Variants in SMOC2 observed in about 807,000 individuals in gnomAD.
SMOC2 encodes SPARC related modular calcium binding 2, also known as SPARC-related modular calcium-binding protein 2.
A neutral mutation model predicts 61.4 loss-of-function variants in SMOC2; 39 were observed. The observed-to-expected ratio is 0.64, with a 90% CI of 0.49 to 0.83. The LOEUF (loss-of-function observed/expected upper bound fraction) is 0.83. SMOC2 is among the 40% of genes least tolerant of loss of function. SMOC2 has a pLI of 0.00. For missense variants in SMOC2, 556 were observed against 592.9 expected (o/e 0.94, Z 0.65); for synonymous variants, 247 against 239.9 (o/e 1.03, Z -0.27).
chr6:168,582,527 C>G (rs1239580710), intron 7 of SMOC2, among the ~76,000 whole-genome samples: 1 of 152,110 alleles, frequency 6.6e-6, no homozygotes. Flanking sequence ...GAAATGCAGG[C>G]TGGGGTGGGG....
At chr6:168,547,056 CACTT>C in intron 5 of SMOC2, 59 bp from the exon 6 acceptor site, 3 of 1,605,526 alleles carry the variant, frequency 1.9e-6, no homozygotes, top group African/African-American at 1.3e-5. Flanking sequence ...CCCGTATGCA[CACTT>C]ACTTAACTTA....
chr6:168,464,208 AGG>A (rs1454688639), intron 1 of SMOC2, among the ~76,000 whole-genome samples: 5 of 145,744 alleles, frequency 3.4e-5, no homozygotes, highest in African/African-American at 1.3e-4. Flanking sequence ...AAAAAGAGGA[AGG>A]AAGAAAGGAA....
chr6:168,666,075 A>G lies in SMOC2; in HGVS notation c.1324-346A>G, dbSNP rs935642489. Among the ~76,000 whole-genome samples the G allele has an allele frequency of 6.0e-4, 92 of 152,232 alleles. 8 individuals are homozygous for G. Among genetic ancestry groups the G allele is most frequent in the Non-Finnish European group, 5.9e-5 (4 of 68,044 alleles). ...TTAAGAATCAACTATGCCTTTATCA[A>G]ATTTGAAGCATAAGTTATATTATTA... is the stretch of plus-strand genomic sequence containing the variant. On this transcript the variant is annotated intron_variant, in intron 12 of 12. Coordinates refer to ENST00000356284, the MANE Select transcript of SMOC2 (RefSeq NM_001166412.2).
At chr6:168,611,935 T>G (rs903942819) in intron 9 of SMOC2, among the ~76,000 whole-genome samples, 1 of 152,084 alleles carries the variant, frequency 6.6e-6, no homozygotes, top group Admixed American at 6.5e-5. Context: ...GCGTGTGGTG[T>G]GGGTGTGGAC....
At chr6:168,600,773 A>C (rs1355644839) in intron 8 of SMOC2, among the ~76,000 whole-genome samples, 1 of 152,236 alleles carries the variant, frequency 6.6e-6, no homozygotes, top group Non-Finnish European at 1.5e-5. Flanking sequence ...TATCGCTTTT[A>C]GAAAAAGTGA....
At chr6:168,574,760 C>T (rs774258984) in intron 7 of SMOC2, among the ~76,000 whole-genome samples, 11 of 152,104 alleles carry the variant, frequency 7.2e-5, no homozygotes, top group East Asian at 5.8e-4. Context: ...CCCTGAAGAC[C>T]GGCACATTCC....
chr6:168,534,613 A>G (rs749576335), intron 4 of SMOC2, among the ~76,000 whole-genome samples: 5 of 152,238 alleles, frequency 3.3e-5, no homozygotes, highest in Admixed American at 1.3e-4. Context: ...CTGATAGACA[A>G]TATTCTGGTG....
At chr6:168,469,261 T>C (rs1781915134) in intron 1 of SMOC2, among the ~76,000 whole-genome samples, 2 of 152,202 alleles carry the variant, frequency 1.3e-5, no homozygotes, top group Admixed American at 6.5e-5. Context: ...GAAGGAAACC[T>C]GTTGGGAAGG....
chr6:168,644,167 G>C (rs186634526), intron 9 of SMOC2, among the ~76,000 whole-genome samples: 7 of 152,318 alleles, frequency 4.6e-5, no homozygotes, highest in Admixed American at 3.9e-4. Flanking sequence ...TTCAAATTCA[G>C]CAAATGTTGG....
chr6:168,537,059 C>T (rs1479733622), intron 4 of SMOC2, among the ~76,000 whole-genome samples: 1 of 152,234 alleles, frequency 6.6e-6, no homozygotes, highest in Non-Finnish European at 1.5e-5. Flanking sequence ...CTCCCTCGGC[C>T]GGCCAGTGCC....
rs943985478 is a variant in SMOC2, at chr6:168,541,163, A to G, written c.464-2462A>G. ...TCCACCAGAAATTCGTATCCCCATT[A>G]TGACAAAACCCACCCCTTTAGAATA... On this transcript the variant is annotated intron_variant, in intron 4 of 12. Coordinates refer to ENST00000356284, the MANE Select transcript of SMOC2 (RefSeq NM_001166412.2). Among the ~76,000 whole-genome samples the G allele has an allele frequency of 2.0e-5, 3 of 152,176 alleles. 1 individual carries two copies. Among genetic ancestry groups the G allele is most frequent in the African/African-American group, 7.2e-5 (3 of 41,450 alleles).
chr6:168,519,499 C>G (rs1783275118), intron 2 of SMOC2, among the ~76,000 whole-genome samples: 1 of 152,190 alleles, frequency 6.6e-6, no homozygotes, highest in Non-Finnish European at 1.5e-5. Context: ...GAGCGCCCTT[C>G]CTCACAGGCT....
chr6:168,545,906 T>C (rs905467912), intron 5 of SMOC2, among the ~76,000 whole-genome samples: 1 of 152,258 alleles, frequency 6.6e-6, no homozygotes, highest in African/African-American at 2.4e-5. Context: ...TTTTGTTTTA[T>C]TTTCTTGGAA....
chr6:168,627,630 G>C (rs1786448998), intron 9 of SMOC2, among the ~76,000 whole-genome samples: 1 of 152,124 alleles, frequency 6.6e-6, no homozygotes, highest in Non-Finnish European at 1.5e-5. Flanking sequence ...TTTGTCACTG[G>C]TAGATTCAAA....
At chr6:168,506,695 A>G (rs969080985) in intron 1 of SMOC2, among the ~76,000 whole-genome samples, 11 of 152,194 alleles carry the variant, frequency 7.2e-5, no homozygotes, top group African/African-American at 2.7e-4. Context: ...CACCTGTGCA[A>G]ATAGCACTGC....
At chr6:168,444,330 G>C (rs144503397) in intron 1 of SMOC2, among the ~76,000 whole-genome samples, 1 of 152,026 alleles carries the variant, frequency 6.6e-6, no homozygotes, top group African/African-American at 2.4e-5. Flanking sequence ...TCAGGACCAC[G>C]CATTTGTCTT....
chr6:168,514,295 G>A (rs959732202), intron 2 of SMOC2, among the ~76,000 whole-genome samples: 4 of 152,038 alleles, frequency 2.6e-5, no homozygotes, highest in African/African-American at 9.7e-5. Flanking sequence ...CACTGAATGA[G>A]TGTCTCCTTC....
At chr6:168,496,685 C>T (rs944703048) in intron 1 of SMOC2, among the ~76,000 whole-genome samples, 13 of 152,274 alleles carry the variant, frequency 8.5e-5, no homozygotes, top group African/African-American at 2.2e-4. Flanking sequence ...CAGGAGGCAG[C>T]GGTGAGGGCC....
chr6:168,633,871 C>A (rs1187114889), intron 9 of SMOC2, among the ~76,000 whole-genome samples: 1 of 152,158 alleles, frequency 6.6e-6, no homozygotes, highest in African/African-American at 2.4e-5. Context: ...GTGAGAGGGA[C>A]CTGGTGGGAG....
Sources: allele counts gnomAD v4.1 joint callset (sites outside exome capture counted in the v4.1 genomes callset), GRCh38; gene constraint gnomAD v4.1.1; transcripts MANE v1.5; gene names NCBI Gene and HGNC (gene_info 2026-07-23, HGNC 2026-07-21).